The following PHF21A variants were observed in gnomAD, a reference collection of about 807,000 sequenced individuals.
PHF21A encodes BHC80a.
Under a neutral mutation model 82.5 loss-of-function variants are expected in PHF21A, and 11 were observed. The ratio of observed to expected loss-of-function variants is 0.13; its 90% confidence interval spans 0.08 to 0.22. The LOEUF is 0.22. PHF21A is among the 10% of genes least tolerant of loss of function. The probability of loss-of-function intolerance (pLI) is 1.00; values close to 1 mark genes in which losing one functional copy is unlikely to be tolerated. For synonymous variants in PHF21A, 297 were observed against 302.8 expected (o/e 0.98, Z 0.20); for missense variants, 579 against 837.8 (o/e 0.69, Z 3.81).
intron 6 of PHF21A, among the ~76,000 whole-genome samples, chr11:46,050,470 C>T (rs2096341109): frequency 6.6e-6 from 1 of 152,052 alleles, no homozygotes. Flanking sequence ...TCCATAGCTG[C>T]CGAATCACAG....
At chr11:46,070,947 C>G (rs996264551) in intron 6 of PHF21A, among the ~76,000 whole-genome samples, 15 of 152,102 alleles carry the variant, frequency 9.9e-5, no homozygotes, top group African/African-American at 3.4e-4. Flanking sequence ...TCAATATATG[C>G]TATTAATGTG....
chr11:46,098,402 T>G (rs1178046905), intron 1 of PHF21A, among the ~76,000 whole-genome samples: 2 of 152,176 alleles, frequency 1.3e-5, no homozygotes, highest in African/African-American at 4.8e-5. Context: ...AGGAAGGCTT[T>G]TAAGTAGAAT....
At chr11:45,945,683 A>C (rs1031916360) in intron 15 of PHF21A, among the ~76,000 whole-genome samples, 157 bp downstream of exon 15, 5 of 152,244 alleles carry the variant, frequency 3.3e-5, no homozygotes, top group Non-Finnish European at 7.3e-5. Flanking sequence ...AACTCAGAAG[A>C]AAGCTGCCTT....
intron 6 of PHF21A, among the ~76,000 whole-genome samples, chr11:46,038,162 T>A (rs942420934): frequency 6.6e-6 from 1 of 152,082 alleles, no homozygotes; most frequent in African/African-American, 2.4e-5. Context: ...GCTTTTTTTT[T>A]GTCACTCAGG....
intron 1 of PHF21A, among the ~76,000 whole-genome samples, chr11:46,119,559 C>T (rs748376763): frequency 6.6e-6 from 1 of 152,122 alleles, no homozygotes; most frequent in Non-Finnish European, 1.5e-5. Flanking sequence ...ATCACAACAA[C>T]TCAACTACTT....
At chr11:46,089,381 T>G (rs2096896098) in intron 3 of PHF21A, among the ~76,000 whole-genome samples, 1 of 152,206 alleles carries the variant, frequency 6.6e-6, no homozygotes, top group Non-Finnish European at 1.5e-5. Flanking sequence ...TTAATACTAT[T>G]TATTAAAAAC....
chr11:46,079,375 T>C (rs2096763202), intron 4 of PHF21A, among the ~76,000 whole-genome samples: 1 of 152,196 alleles, frequency 6.6e-6, no homozygotes, highest in Non-Finnish European at 1.5e-5. Flanking sequence ...ACTTTATATT[T>C]GAAATGAAAA....
chr11:46,016,090 A>C (rs1412428909), intron 6 of PHF21A, among the ~76,000 whole-genome samples: 1 of 152,212 alleles, frequency 6.6e-6, no homozygotes, highest in Non-Finnish European at 1.5e-5. Flanking sequence ...CACCAGCATC[A>C]CCACAAACAT....
intron 1 of PHF21A, among the ~76,000 whole-genome samples, chr11:46,098,050 G>GTA (rs1480845432): frequency 4.6e-5 from 7 of 152,152 alleles, no homozygotes; most frequent in African/African-American, 1.7e-4. Flanking sequence ...CTGCCTTACA[G>GTA]TACTCTATTT....
intron 6 of PHF21A, among the ~76,000 whole-genome samples, chr11:46,058,937 G>A (rs535625181): frequency 6.6e-6 from 1 of 152,196 alleles, no homozygotes; most frequent in Non-Finnish European, 1.5e-5. Context: ...AAATGAAGCA[G>A]AAGCAAAGAA....
chr11:46,119,058 C>T (rs904085773), intron 1 of PHF21A, among the ~76,000 whole-genome samples: 6 of 152,054 alleles, frequency 3.9e-5, no homozygotes, highest in Non-Finnish European at 7.4e-5. Context: ...CTTAAAGAAT[C>T]CCTATCAAGT....
chr11:46,034,713 C>T (rs970089188), intron 6 of PHF21A, among the ~76,000 whole-genome samples: 2 of 152,050 alleles, frequency 1.3e-5, no homozygotes, highest in African/African-American at 4.8e-5. Context: ...CACGTTCATC[C>T]TTCCCCAAAT....
intron 4 of PHF21A, among the ~76,000 whole-genome samples, chr11:46,083,284 GA>G (rs937620506): frequency 6.6e-6 from 1 of 152,052 alleles, no homozygotes; most frequent in African/African-American, 2.4e-5. Context: ...AGGGATTTCT[GA>G]ACAGGTGCTT....
intron 1 of PHF21A, among the ~76,000 whole-genome samples, chr11:46,095,513 T>G (rs1425532048): frequency 6.6e-6 from 1 of 152,174 alleles, no homozygotes; most frequent in Non-Finnish European, 1.5e-5. Context: ...GGTGTTATAC[T>G]ATCTTGCTAA....
At chr11:46,108,063 T>C (rs2097171083) in intron 1 of PHF21A, among the ~76,000 whole-genome samples, 3 of 152,198 alleles carry the variant, frequency 2.0e-5, no homozygotes. Context: ...ATGTATTATC[T>C]TGGTTTTAAA....
chr11:45,969,039 AT>A (rs2093614261), intron 9 of PHF21A, among the ~76,000 whole-genome samples: 1 of 151,684 alleles, frequency 6.6e-6, no homozygotes, highest in African/African-American at 2.4e-5. Context: ...AAATGATATC[AT>A]CTTATCTCAT....
At chr11:46,073,078 C>T (rs1382936351) in intron 6 of PHF21A, among the ~76,000 whole-genome samples, 2 of 152,042 alleles carry the variant, frequency 1.3e-5, no homozygotes, top group African/African-American at 4.8e-5. Context: ...CCTGTAATCC[C>T]AGCACTTTGG....
intron 6 of PHF21A, among the ~76,000 whole-genome samples, chr11:45,999,630 A>C (rs1035362208): frequency 6.6e-6 from 1 of 152,248 alleles, no homozygotes; most frequent in African/African-American, 2.4e-5. Flanking sequence ...CTGAATATTT[A>C]ATGGATTAGT....
intron 7 of PHF21A, among the ~76,000 whole-genome samples, chr11:45,974,636 G>T (rs1362946764): frequency 6.6e-6 from 1 of 151,524 alleles, no homozygotes; most frequent in African/African-American, 2.4e-5. Context: ...TTTATTTTTA[G>T]TAGAGACGTG....
Sources: allele counts gnomAD v4.1 joint callset (sites outside exome capture counted in the v4.1 genomes callset), GRCh38; gene constraint gnomAD v4.1.1; transcripts MANE v1.5; gene names NCBI Gene and HGNC (gene_info 2026-07-23, HGNC 2026-07-21).